Variants in CNTNAP2 observed in about 807,000 individuals in gnomAD.
The protein encoded by CNTNAP2 is contactin-associated protein-like 2.
A neutral mutation model predicts 155.2 loss-of-function variants in CNTNAP2; 98 were observed. That is an observed-to-expected ratio of 0.63 (90% CI 0.54 to 0.75). The LOEUF (loss-of-function observed/expected upper bound fraction) is 0.75. Among genes scored for constraint, CNTNAP2 ranks in the 30% least tolerant of loss-of-function variants. The pLI is 0.00. For missense variants in CNTNAP2, 1,727 were observed against 1,688.1 expected (o/e 1.02, Z -0.40); for synonymous variants, 651 against 631.2 (o/e 1.03, Z -0.47).
At chr7:146,926,936 G>A (rs955534737) in intron 3 of CNTNAP2, among the ~76,000 whole-genome samples, 26 of 152,162 alleles carry the variant, frequency 1.7e-4, no homozygotes, top group Admixed American at 1.3e-3. Context: ...AAATAACTTC[G>A]ATTCAGCCTT....
At chr7:148,156,151 G>A (rs1334921885) in intron 17 of CNTNAP2, among the ~76,000 whole-genome samples, 1 of 152,222 alleles carries the variant, frequency 6.6e-6, no homozygotes, top group African/African-American at 2.4e-5. Context: ...AAAGGGTTTG[G>A]TTTAACGAGA....
At chr7:146,387,899 T>C (rs893394561) in intron 1 of CNTNAP2, among the ~76,000 whole-genome samples, 15 of 151,942 alleles carry the variant, frequency 9.9e-5, no homozygotes, top group Admixed American at 2.6e-4. Context: ...TAGGGAAAAA[T>C]AATTTTTCTT....
At chr7:147,360,974 C>G (rs1796138634) in intron 9 of CNTNAP2, among the ~76,000 whole-genome samples, 1 of 151,898 alleles carries the variant, frequency 6.6e-6, no homozygotes, top group Non-Finnish European at 1.5e-5. Context: ...GTCATGAAGC[C>G]CAAAACAACA....
In CNTNAP2 at chr7:146,220,155, T is replaced by C. The variant is rs149394861; in HGVS notation, c.97+103182T>C. Among the ~76,000 whole-genome samples the C allele has an allele frequency of 1.2e-3, 177 of 152,286 alleles. 1 individual carries two copies. The highest frequency in any genetic ancestry group is 4.1e-3 in the African/African-American group (172 of 41,562). On this transcript the variant is annotated intron_variant, in intron 1 of 23. Coordinates refer to ENST00000361727, the MANE Select transcript of CNTNAP2 (RefSeq NM_014141.6). ...AATTACCGTTGATATATTTTATAAT[T>C]TTGTAGGAGCTGACAAATTTGTCAG...
chr7:146,725,181 A>G (rs1445310551), intron 1 of CNTNAP2, among the ~76,000 whole-genome samples: 1 of 150,694 alleles, frequency 6.6e-6, no homozygotes, highest in Non-Finnish European at 1.5e-5. Context: ...CTCTTCTTAC[A>G]AGGACACTGG....
At chr7:148,290,974 A>T (rs991498711) in intron 21 of CNTNAP2, among the ~76,000 whole-genome samples, 6 of 152,118 alleles carry the variant, frequency 3.9e-5, no homozygotes, top group Non-Finnish European at 7.4e-5. Context: ...GGTTTTGTGA[A>T]AGGATGGTTT....
intron 15 of CNTNAP2, among the ~76,000 whole-genome samples, chr7:147,986,658 G>A (rs1426747989): frequency 6.6e-6 from 1 of 152,112 alleles, no homozygotes; most frequent in Non-Finnish European, 1.5e-5. Flanking sequence ...ATTCCCCAGG[G>A]CCAAGATGAA....
At chr7:146,499,671 T>TA (rs1166673915) in intron 1 of CNTNAP2, among the ~76,000 whole-genome samples, 2 of 152,092 alleles carry the variant, frequency 1.3e-5, no homozygotes, top group Non-Finnish European at 2.9e-5. Context: ...AACTCCTACT[T>TA]ATGAGTGAGA....
chr7:146,353,159 G>A (rs1028250115), intron 1 of CNTNAP2, among the ~76,000 whole-genome samples: 1 of 152,114 alleles, frequency 6.6e-6, no homozygotes, highest in Non-Finnish European at 1.5e-5. Flanking sequence ...AATTTACTCT[G>A]ATTAGGCTTT....
chr7:147,564,164 CA>C (rs1319041704), intron 12 of CNTNAP2, among the ~76,000 whole-genome samples: 5 of 151,932 alleles, frequency 3.3e-5, no homozygotes, highest in South Asian at 4.2e-4. Context: ...AGACCTGTCT[CA>C]ATTTTTTTTT....
intron 3 of CNTNAP2, among the ~76,000 whole-genome samples, chr7:147,008,218 C>A (rs1023317262): frequency 6.6e-6 from 1 of 151,906 alleles, no homozygotes; most frequent in African/African-American, 2.4e-5. Context: ...TGGTTATAAG[C>A]GTATTGAATG....
chr7:146,138,670 G>A (rs185748316), intron 1 of CNTNAP2, among the ~76,000 whole-genome samples: 8 of 152,092 alleles, frequency 5.3e-5, no homozygotes, highest in Non-Finnish European at 1.2e-4. Context: ...ATGTGTTTTT[G>A]TGTGTGTACA....
intron 11 of CNTNAP2, among the ~76,000 whole-genome samples, chr7:147,489,235 G>T (rs1798563037): frequency 6.6e-6 from 1 of 152,246 alleles, no homozygotes; most frequent in East Asian, 1.9e-4. Context: ...TATATGTAGG[G>T]CTTAGAGGAC....
intron 1 of CNTNAP2, among the ~76,000 whole-genome samples, chr7:146,363,227 G>A (rs1563055733): frequency 1.3e-5 from 2 of 152,178 alleles, no homozygotes; most frequent in South Asian, 2.1e-4. Flanking sequence ...GATGACTTCC[G>A]TAAAATTGTG....
intron 13 of CNTNAP2, among the ~76,000 whole-genome samples, chr7:147,902,794 GTGTGTGTGTGTGTGTGTGTA>G (rs59448967): frequency 0.026 from 3,521 of 136,968 alleles, 70 homozygotes; most frequent in African/African-American, 0.069. Context: ...GTGTGTGTGT[GTGTGTGTGTGTGTGTGTGTA>G]TGTGTGTGTG....
chr7:146,905,922 C>T (rs960780223), intron 3 of CNTNAP2, among the ~76,000 whole-genome samples: 4 of 152,252 alleles, frequency 2.6e-5, no homozygotes, highest in African/African-American at 7.2e-5. Context: ...AGACAGTGGG[C>T]GCAGGCCAGT....
intron 1 of CNTNAP2, among the ~76,000 whole-genome samples, chr7:146,338,336 T>C (rs889814091): frequency 4.6e-5 from 7 of 152,136 alleles, no homozygotes; most frequent in African/African-American, 1.7e-4. Flanking sequence ...CTCTGTGCTT[T>C]ATGTGTGAGC....
chr7:146,848,957 G>A (rs1794816882), intron 3 of CNTNAP2, among the ~76,000 whole-genome samples: 1 of 151,962 alleles, frequency 6.6e-6, no homozygotes, highest in African/African-American at 2.4e-5. Flanking sequence ...ATTTTTAGTA[G>A]AGACGTAGAG....
At chr7:146,955,522 A>G (rs975704947) in intron 3 of CNTNAP2, among the ~76,000 whole-genome samples, 3 of 152,036 alleles carry the variant, frequency 2.0e-5, no homozygotes, top group South Asian at 2.1e-4. Context: ...CACAGTGACT[A>G]CAGTGTGCCT....
Sources: allele counts gnomAD v4.1 joint callset (sites outside exome capture counted in the v4.1 genomes callset), GRCh38; gene constraint gnomAD v4.1.1; transcripts MANE v1.5; gene names NCBI Gene and HGNC (gene_info 2026-07-23, HGNC 2026-07-21).